Variants in DNAH8 observed in about 807,000 individuals in gnomAD.
The protein encoded by DNAH8 is axonemal beta dynein heavy chain 8.
A neutral mutation model predicts 562.1 loss-of-function variants in DNAH8; 382 were observed. The observed-to-expected ratio is 0.68, with a 90% CI of 0.63 to 0.74. DNAH8 has a LOEUF of 0.74. DNAH8 is among the 30% of genes least tolerant of loss of function. The pLI is 0.00. For missense variants in DNAH8, 5,203 were observed against 5,620.4 expected, an observed-to-expected ratio of 0.93 and a Z score of 2.37; for synonymous variants, 1,881 against 1,919.4, an observed-to-expected ratio of 0.98 and a Z score of 0.52.
At chr6:38,734,269 G>A (rs1763895717) in intron 4 of DNAH8, among the ~76,000 whole-genome samples, 1 of 125,900 alleles carries the variant, frequency 7.9e-6, no homozygotes, top group East Asian at 2.5e-4. Flanking sequence ...GGGCAACAGA[G>A]CAAGACTCTG....
intron 11 of DNAH8, among the ~76,000 whole-genome samples, chr6:38,767,304 G>T (rs1269005209): frequency 6.6e-6 from 1 of 152,150 alleles, no homozygotes; most frequent in East Asian, 1.9e-4. Context: ...GGGTGTGGTG[G>T]CAGGCTCCTG....
chr6:38,894,692 C>T lies in DNAH8; in HGVS notation c.8584-9C>T, dbSNP rs1290077918. 6.2e-7 allele frequency: 1 copy of T among 1,604,138 alleles called. No individual in the cohort carries two copies. Among genetic ancestry groups the T allele is most frequent in the African/African-American group, 1.3e-5 (1 of 74,328 alleles). ...ACTAACTGAGAGTATTACATTTTTTCATCTCTAGGTGAAGATGCTGCCAAC... is the reference window on the plus strand; with the variant it reads ...ACTAACTGAGAGTATTACATTTTTTTATCTCTAGGTGAAGATGCTGCCAAC... On this transcript the variant is annotated splice_polypyrimidine_tract_variant and intron_variant, in intron 58 of 92. Transcript: ENST00000327475.
At position 38,924,103 on chromosome 6, in the gene DNAH8, C is replaced by T. The variant is rs149334389; in HGVS notation, c.10903C>T (p.Arg3635Trp). ...KDQWEMELRARKIPFTENLNL... is the reference protein window; with the variant it reads ...KDQWEMELRAWKIPFTENLNL... ...TCAATGGGAAATGGAGTTGAGAGCA[C>T]GGAAAATTCCTTTCACAGAAAACCT... The change falls in exon 73 of 93, where the codon CGG (arginine) becomes TGG (tryptophan). Residue 3635 changes from arginine (R) to tryptophan (W), a missense_variant. This residue lies in a region of DNAH8 where 1,399 missense variants were observed against 1,518.4 expected (regional missense o/e 0.92). Coordinates refer to ENST00000327475, the MANE Select transcript of DNAH8 (RefSeq NM_001206927.2). 86 of 1,613,968 alleles carry T rather than the reference C, an allele frequency of 5.3e-5. 1 individual carries two copies. The highest frequency in any genetic ancestry group is 2.8e-4 in the African/African-American group (21 of 75,012).
chr6:38,732,875 A>G (rs1048286783), intron 4 of DNAH8, among the ~76,000 whole-genome samples: 9 of 151,566 alleles, frequency 5.9e-5, no homozygotes, highest in Admixed American at 2.0e-4. Flanking sequence ...TGTGATGTGG[A>G]TTTTCTATTT....
At chr6:39,006,829 T>C (rs1398912977) in intron 88 of DNAH8, among the ~76,000 whole-genome samples, 2 of 152,230 alleles carry the variant, frequency 1.3e-5, no homozygotes, top group Non-Finnish European at 2.9e-5. Flanking sequence ...CATCTTCTTC[T>C]GACAGGTGGA....
intron 47 of DNAH8, among the ~76,000 whole-genome samples, chr6:38,867,769 A>C (rs1010433928): frequency 2.6e-5 from 4 of 151,086 alleles, no homozygotes; most frequent in African/African-American, 7.3e-5. Context: ...AAAAAAAAAA[A>C]AAACAAAAAA....
Position 38,832,345 on chromosome 6 carries a change from T to G in DNAH8, c.4212T>G (p.Val1404=), listed in dbSNP as rs780066300. 8.8e-5 allele frequency: 142 copies of G among 1,613,224 alleles called. No homozygotes were observed. Among genetic ancestry groups the G allele is most frequent in the Non-Finnish European group, 1.2e-4 (138 of 1,179,370 alleles). Reference sequence around the variant, plus strand: ...AGGTTTCAGTACAAGAGGACCTAGTTCAAGTGCAGCCAAAGTTTAAAAGCA... The same window carrying G: ...AGGTTTCAGTACAAGAGGACCTAGTGCAAGTGCAGCCAAAGTTTAAAAGCA... ...SKAVSVQEDL[V]QVQPKFKSNL... The change falls in exon 31 of 93, where the codon GTT becomes GTG. Residue 1404 remains valine, a synonymous_variant. Transcript: ENST00000327475.
chr6:38,873,964 T>C (rs1777694499), intron 52 of DNAH8, among the ~76,000 whole-genome samples: 2 of 152,012 alleles, frequency 1.3e-5, no homozygotes, highest in African/African-American at 4.8e-5. Flanking sequence ...AAATAAAAAT[T>C]ATCTGACAAG....
In DNAH8 at chr6:38,900,727, C is replaced by T. The variant is rs142962112; in HGVS notation, c.9194+821C>T. ...CCACCTCCCAGGTTCAAGCGATTCT[C>T]TTGCCTCAGCTCACGAGTAGCTGGG... On this transcript the variant is annotated intron_variant, in intron 62 of 92. Transcript: ENST00000327475. 8.1e-3 allele frequency among the ~76,000 whole-genome samples: 1,230 copies of T among 152,134 alleles called. 13 individuals carry two copies. Among genetic ancestry groups the T allele is most frequent in the African/African-American group, 0.028 (1,176 of 41,486 alleles).
rs1563022487 is a variant in DNAH8, at chr6:38,860,511, T to C, written c.6013T>C (p.Phe2005Leu). 1 of 1,503,448 alleles carries C rather than the reference T, an allele frequency of 6.7e-7. No homozygotes were observed. The highest frequency in any genetic ancestry group is 8.8e-7 in the Non-Finnish European group (1 of 1,130,654). The allele number at this position is 1,503,448 out of a possible 1,614,324, so 93.1% of individuals were successfully genotyped here. The change falls in exon 43 of 93, where the codon TTT becomes CTT. Residue 2005 changes from phenylalanine to leucine, a missense_variant. Transcript: ENST00000327475. ...CTTTGAATGGCTAAAACAGAGTAGATTTTATTTTAAGGAAGATTTGGATCA... is the reference window on the plus strand; with the variant it reads ...CTTTGAATGGCTAAAACAGAGTAGACTTTATTTTAAGGAAGATTTGGATCA... ...TDFEWLKQSR[F>L]YFKEDLDQTV...
intron 79 of DNAH8, among the ~76,000 whole-genome samples, chr6:38,940,337 T>C (rs567851980): frequency 1.3e-5 from 2 of 152,298 alleles, no homozygotes; most frequent in Admixed American, 6.5e-5. Flanking sequence ...CTATGATTTC[T>C]GGCCTATGCA....
rs564621396 is a variant in DNAH8, at chr6:38,826,428, T to C, written c.4083+37T>C. 7.9e-6 allele frequency: 11 copies of C among 1,389,356 alleles called. No individual in the cohort carries two copies. In the African/African-American group the frequency reaches 1.6e-4, roughly 20 times the overall value. 86.1% of individuals were successfully genotyped at this position (1,389,356 alleles called of 1,614,324 possible). ...TTGCATTTTTTTTTCTTGGAATGCT[T>C]TTTTGTTTTTTAAAGAAATAGAGAC... On this transcript the variant is annotated intron_variant, in intron 29 of 92. Coordinates refer to ENST00000327475, the MANE Select transcript of DNAH8 (RefSeq NM_001206927.2).
chr6:38,897,847 CAAAG>C (rs1779805924), intron 60 of DNAH8, among the ~76,000 whole-genome samples: 1 of 152,068 alleles, frequency 6.6e-6, no homozygotes, highest in Non-Finnish European at 1.5e-5. Context: ...ATTTGCAAAA[CAAAG>C]AAAGTGGGTG....
At chr6:38,971,819 T>C in intron 83 of DNAH8, 154 bp downstream of exon 83, 1 of 479,668 alleles carries the variant, frequency 2.1e-6, no homozygotes, top group East Asian at 3.4e-5. Context: ...AGTTTCCTCC[T>C]GATATTCGCA....
intron 85 of DNAH8, among the ~76,000 whole-genome samples, chr6:38,976,249 G>C (rs189689858): frequency 1.3e-5 from 2 of 152,310 alleles, no homozygotes; most frequent in Non-Finnish European, 2.9e-5. Context: ...CAGGGCTTCT[G>C]TTTCCCCATC....
Position 38,894,875 on chromosome 6 carries a change from C to A in DNAH8, c.8747+11C>A. 1 of 1,609,582 alleles carries A rather than the reference C, an allele frequency of 6.2e-7. No homozygotes were observed. The highest frequency in any genetic ancestry group is 8.5e-7 in the Non-Finnish European group (1 of 1,178,314). ...AGTAATTGCAGACAGGTGCGTGTTGCGGCACTAGAGTTTAAATGTATGACC... is the reference window on the plus strand; with the variant it reads ...AGTAATTGCAGACAGGTGCGTGTTGAGGCACTAGAGTTTAAATGTATGACC... On this transcript the variant is annotated intron_variant, in intron 59 of 92. Transcript: ENST00000327475.
At chr6:39,017,387 C>T (rs1258203249) in intron 91 of DNAH8, among the ~76,000 whole-genome samples, 2 of 151,954 alleles carry the variant, frequency 1.3e-5, no homozygotes, top group Non-Finnish European at 2.9e-5. Context: ...AGAATATAGT[C>T]GTAATGAGCC....
chr6:38,984,370 T>C lies in DNAH8; in HGVS notation c.13053+63T>C, dbSNP rs529977734. On this transcript the variant is annotated intron_variant, in intron 87 of 92. Transcript: ENST00000327475. ...TTCACTGTATTTTCCAATTTTTTTG[T>C]TTGTAATAGGTCTGCCAAACTCAAG... 9.3e-5 allele frequency: 99 copies of C among 1,062,752 alleles called. No individual in the cohort carries two copies. The African/African-American group carries it at 1.3e-3, about 14-fold the overall frequency. The allele number at this position is 1,062,752 out of a possible 1,614,324, so 65.8% of individuals were successfully genotyped here.
chr6:38,896,275 A>G, intron 60 of DNAH8, 50 bp downstream of exon 60: 1 of 1,453,282 alleles, frequency 6.9e-7, no homozygotes, highest in Non-Finnish European at 9.6e-7. Flanking sequence ...TCACCTGACT[A>G]GATCTTTCTC....
Sources: gnomAD v4.1 joint callset for allele counts (sites outside exome capture counted in the v4.1 genomes callset) on GRCh38, gnomAD v4.1.1 for gene constraint, gnomAD v4.1.1 regional missense constraint, MANE v1.5 for transcripts, NCBI Gene and HGNC (gene_info 2026-07-23, HGNC 2026-07-21) for gene names.